The following CD244 variants were observed in gnomAD, a reference collection of about 807,000 sequenced individuals.
CD244 encodes CD244 molecule, also known as natural killer cell receptor 2B4.
CD244 carries 20 observed loss-of-function variants against 45.5 expected under a neutral mutation model. That is an observed-to-expected ratio of 0.44 (90% CI 0.31 to 0.64). CD244 has a LOEUF of 0.64. Ranked by LOEUF, CD244 falls within the 30% of genes least tolerant of loss-of-function variation. The probability of loss-of-function intolerance (pLI) is 0.08; values close to 1 mark genes in which losing one functional copy is unlikely to be tolerated. For missense variants in CD244, 407 were observed against 426.9 expected, an observed-to-expected ratio of 0.95 and a Z score of 0.41; for synonymous variants, 185 against 160.5, an observed-to-expected ratio of 1.15 and a Z score of -1.15.
At chr1:160,844,699 G>C (rs1030065704) in intron 1 of CD244, among the ~76,000 whole-genome samples, 3 of 152,202 alleles carry the variant, frequency 2.0e-5, no homozygotes, top group African/African-American at 7.2e-5. Context: ...CCCTGGCCTG[G>C]TGCGGTGGCT....
intron 1 of CD244, chr1:160,848,249 G>A (rs1669803584): frequency 3.6e-6 from 2 of 558,584 alleles, no homozygotes; most frequent in Admixed American, 1.9e-5. Flanking sequence ...CATCTATGGG[G>A]TGAAATTTGA....
In CD244 at chr1:160,831,413, T is replaced by A; in HGVS notation, c.1032A>T (p.Gln344His). 6.2e-7 allele frequency: 1 copy of A among 1,613,942 alleles called. No homozygotes were observed. Among genetic ancestry groups the A allele is most frequent in the Admixed American group, 1.7e-5 (1 of 60,028 alleles). ...ATCGAGCAGGGTTCTGGGCTTTAGG[T>A]TGACTCTTTCCAATCTGCAAAAGAA... ...STIYEVIGKS[Q>H]PKAQNPARLS... The change falls in exon 9 of 9, where the codon CAA becomes CAT. Residue 344 changes from glutamine (Q) to histidine (H), a missense_variant. Physicochemically the swap from Gln to His is conservative, Grantham distance 24. Coordinates refer to ENST00000368034, the MANE Select transcript of CD244 (RefSeq NM_016382.4).
chr1:160,856,207 TA>T (rs1446662287), intron 1 of CD244, among the ~76,000 whole-genome samples: 1 of 152,176 alleles, frequency 6.6e-6, no homozygotes, highest in African/African-American at 2.4e-5. Flanking sequence ...ATAAGATAGA[TA>T]AAGTATCCTA....
intron 1 of CD244, among the ~76,000 whole-genome samples, chr1:160,856,951 A>G (rs1361539911): frequency 6.6e-6 from 1 of 152,268 alleles, no homozygotes; most frequent in Non-Finnish European, 1.5e-5. Flanking sequence ...AGAATAGACA[A>G]GAAATTCAAA....
In CD244 at chr1:160,841,816, G is replaced by A. The variant is rs538024099; in HGVS notation, c.147C>T (p.Asp49=). Residue 49 remains aspartate (D), a synonymous_variant, in exon 2 of 9, where the codon GAC becomes GAT. Transcript: ENST00000368034. The part of the protein sequence containing the change: ...LQPNSIQTKV[D]SIAWKKLLPS... ...GCAGCAACTTCTTCCATGCAATGCT[G>A]TCAACCTTCGTCTGTATGCTGTTTG... 3 of 1,614,152 alleles carry A rather than the reference G, an allele frequency of 1.9e-6. No homozygotes were observed. Among genetic ancestry groups the A allele is most frequent in the South Asian group, 2.2e-5 (2 of 91,080 alleles).
intron 1 of CD244, among the ~76,000 whole-genome samples, chr1:160,853,782 TAA>T (rs5778184): frequency 3.7e-4 from 35 of 94,726 alleles, no homozygotes; most frequent in Middle Eastern, 6.0e-3. Context: ...AGACCCTGCC[TAA>T]AAAAAAAAAA....
intron 1 of CD244, among the ~76,000 whole-genome samples, chr1:160,854,034 A>C (rs1225307297): frequency 6.6e-6 from 1 of 152,132 alleles, no homozygotes; most frequent in Non-Finnish European, 1.5e-5. Context: ...GGTATTATGG[A>C]CCCAGCAGTA....
rs547642207 is a variant in CD244, at chr1:160,844,526, A to G, written c.62-2625T>C. On this transcript the variant is annotated intron_variant, in intron 1 of 8. Transcript: ENST00000368034. ...AACGCAGCAAAAATGATGTTCTGCT[A>G]GTTCTAAGCCTAGATCTGAAAAGGC... Among the ~76,000 whole-genome samples, 124 of 152,320 alleles carry G rather than the reference A, an allele frequency of 8.1e-4. 1 individual carries two copies. Among genetic ancestry groups the G allele is most frequent in the Non-Finnish European group, 1.3e-3 (88 of 68,016 alleles).
At position 160,862,542 on chromosome 1, in the gene CD244, G is replaced by C. The variant is rs1670347758; in HGVS notation, c.61+75C>G. On this transcript the variant is annotated intron_variant, in intron 1 of 8. Coordinates refer to ENST00000368034, the MANE Select transcript of CD244 (RefSeq NM_016382.4). ...GACTGTGTATGTGGCACAAGCAGAG[G>C]CTCTGGCTCTGATCTCCCTGAGGGG... The C allele has an allele frequency of 1.3e-5, 17 of 1,322,804 alleles. 1 individual carries two copies. 81.9% of individuals were successfully genotyped at this position (1,322,804 alleles called of 1,614,324 possible).
chr1:160,833,704 T>C (rs1669219910), intron 7 of CD244, among the ~76,000 whole-genome samples: 3 of 152,172 alleles, frequency 2.0e-5, no homozygotes, highest in Admixed American at 2.0e-4. Flanking sequence ...CCCTCCAGTA[T>C]CTCTCACCAT....
At chr1:160,844,972 A>G (rs1389192267) in intron 1 of CD244, among the ~76,000 whole-genome samples, 3 of 152,040 alleles carry the variant, frequency 2.0e-5, no homozygotes, top group African/African-American at 7.2e-5. Context: ...GCAAGACCTA[A>G]TCTCAAAAAA....
intron 3 of CD244, among the ~76,000 whole-genome samples, chr1:160,840,707 A>G (rs1160034412): frequency 6.6e-6 from 1 of 152,200 alleles, no homozygotes; most frequent in Non-Finnish European, 1.5e-5. Context: ...TGTAATAAAA[A>G]GTTGTGGAAC....
chr1:160,836,831 A>C (rs1669351514), intron 5 of CD244, among the ~76,000 whole-genome samples: 1 of 152,118 alleles, frequency 6.6e-6, no homozygotes, highest in Non-Finnish European at 1.5e-5. Context: ...CGGCCACTGA[A>C]AGCATATTGC....
At chr1:160,846,396 G>A (rs769369965) in intron 1 of CD244, among the ~76,000 whole-genome samples, 2 of 152,252 alleles carry the variant, frequency 1.3e-5, no homozygotes, top group Non-Finnish European at 2.9e-5. Flanking sequence ...AGCAGATGCA[G>A]TGGCTCATGC....
intron 1 of CD244, among the ~76,000 whole-genome samples, 165 bp downstream of exon 1, chr1:160,862,452 C>A (rs1443083532): frequency 1.3e-5 from 2 of 152,172 alleles, no homozygotes. Context: ...AGTGCACTGC[C>A]AGCCTGTCCT....
At chr1:160,838,573 TG>T in intron 4 of CD244, 55 bp from the exon 5 acceptor site, 1 of 1,282,216 alleles carries the variant, frequency 7.8e-7, no homozygotes, top group East Asian at 2.3e-5. Context: ...GAAGGGCTTT[TG>T]CTTCTAACAG....
chr1:160,848,437 G>C lies in CD244; in HGVS notation c.62-6536C>G, dbSNP rs1396498028. ...GCATGAATATTGCAGACAGCATGGA[G>C]CCCTTTGGGTCCAGGAATGGCAAGA... On this transcript the variant is annotated intron_variant, in intron 1 of 8. Transcript: ENST00000368034. 3.1e-5 allele frequency: 17 copies of C among 550,366 alleles called. No individual in the cohort carries two copies. The East Asian group carries it at 8.1e-4, about 26-fold the overall frequency. The allele number at this position is 550,366 out of a possible 1,614,324, so 34.1% of individuals were successfully genotyped here.
chr1:160,853,252 T>G (rs1450519757), intron 1 of CD244, among the ~76,000 whole-genome samples: 1 of 152,224 alleles, frequency 6.6e-6, no homozygotes, highest in Non-Finnish European at 1.5e-5. Context: ...TGATGAGTAT[T>G]AATGAAGCTA....
At chr1:160,845,940 A>G (rs1669717705) in intron 1 of CD244, among the ~76,000 whole-genome samples, 1 of 152,194 alleles carries the variant, frequency 6.6e-6, no homozygotes, top group Non-Finnish European at 1.5e-5. Context: ...ACCAAAGATA[A>G]ATAGAAAAAT....
Sources: gnomAD v4.1 joint callset for allele counts (sites outside exome capture counted in the v4.1 genomes callset) on GRCh38, gnomAD v4.1.1 for gene constraint, MANE v1.5 for transcripts, NCBI Gene and HGNC (gene_info 2026-07-23, HGNC 2026-07-21) for gene names.